TUSC3: variants seen among roughly 807,000 people sequenced by gnomAD.
The protein encoded by TUSC3 is tumor suppressor candidate 3, also known as dolichyl-diphosphooligosaccharide--protein glycosyltransferase subunit TUSC3.
A neutral mutation model predicts 44.8 loss-of-function variants in TUSC3; 45 were observed. The observed-to-expected ratio is 1.00, with a 90% CI of 0.79 to 1.29. TUSC3 has a LOEUF of 1.29. TUSC3 is among the 50% of genes most tolerant of loss of function. The pLI, the probability that TUSC3 is intolerant of heterozygous loss-of-function variation, is 0.00. For synonymous variants in TUSC3, 212 were observed against 152.9 expected, an observed-to-expected ratio of 1.39 and a Z score of -2.85; for missense variants, 519 against 437.9, an observed-to-expected ratio of 1.19 and a Z score of -1.65.
intron 1 of TUSC3, among the ~76,000 whole-genome samples, chr8:15,541,838 A>C (rs2129133042): frequency 6.6e-6 from 1 of 151,606 alleles, no homozygotes; most frequent in East Asian, 1.9e-4. Context: ...AAGAAAAAGT[A>C]GACAGTTTTT....
intron 1 of TUSC3, among the ~76,000 whole-genome samples, chr8:15,618,932 T>A (rs1585159352): frequency 6.6e-6 from 1 of 152,302 alleles, no homozygotes; most frequent in East Asian, 1.9e-4. Flanking sequence ...GTATGGAGTC[T>A]GTTGTTAAGT....
In TUSC3 at chr8:15,559,679, T is replaced by G. The variant is rs1419695278; in HGVS notation, c.138+19111T>G. ...CACTCAGGACTTGCTTTATGAATCT[T>G]GGTGCTCCTGTATTGGGTGCATATA... On this transcript the variant is annotated intron_variant, in intron 1 of 10. Coordinates refer to ENST00000503731, the MANE Select transcript of TUSC3 (RefSeq NM_006765.4). 1.3e-4 allele frequency among the ~76,000 whole-genome samples: 17 copies of G among 135,520 alleles called. 1 individual carries two copies. In the South Asian group the frequency reaches 2.4e-3, roughly 19 times the overall value. The allele number at this position is 135,520 out of a possible 152,430, so 88.9% of individuals were successfully genotyped here. A position where few individuals can be genotyped will look rare whatever the true frequency, so the allele number is the denominator to read the frequency against.
At chr8:15,798,845 C>G in the TUSC3 span, among the ~76,000 whole-genome samples, 5 of 152,130 alleles carry the variant, frequency 3.3e-5, no homozygotes, top group Non-Finnish European at 7.4e-5. Context: ...ATCACTTAAG[C>G]TCTTGCCTTA....
intron 1 of TUSC3, among the ~76,000 whole-genome samples, chr8:15,545,930 T>C (rs553189185): frequency 6.6e-6 from 1 of 151,878 alleles, no homozygotes; most frequent in Admixed American, 6.6e-5. Flanking sequence ...ATCTCTGATA[T>C]TTGGCATATC....
intron 1 of TUSC3, among the ~76,000 whole-genome samples, chr8:15,556,538 C>G (rs1302289399): frequency 1.3e-5 from 2 of 150,092 alleles, no homozygotes; most frequent in Admixed American, 1.3e-4. Flanking sequence ...ATGGCTGGGT[C>G]AAATGGTATT....
intron 6 of TUSC3, among the ~76,000 whole-genome samples, chr8:15,724,773 G>T (rs1810437062): frequency 6.6e-6 from 1 of 152,118 alleles, no homozygotes; most frequent in Non-Finnish European, 1.5e-5. Flanking sequence ...CAAGGAGGGT[G>T]AAAGAAAATA....
intron 9 of TUSC3, among the ~76,000 whole-genome samples, chr8:15,755,695 G>A (rs1048133572): frequency 6.6e-6 from 1 of 151,592 alleles, no homozygotes; most frequent in Non-Finnish European, 1.5e-5. Context: ...CTTTGGCACT[G>A]GAGCCTAAAG....
chr8:15,439,471 C>G (rs1799993377), intron 1 of TUSC3, among the ~76,000 whole-genome samples: 1 of 152,154 alleles, frequency 6.6e-6, no homozygotes, highest in Non-Finnish European at 1.5e-5. Context: ...ATGGGAGGAT[C>G]ACTTGAGCCT....
At chr8:15,775,697 CACATAT>C in the TUSC3 span, among the ~76,000 whole-genome samples, 1 of 147,388 alleles carries the variant, frequency 6.8e-6, no homozygotes, top group Non-Finnish European at 1.5e-5. Context: ...TGTACACACA[CACATAT>C]ATACATATAT....
At chr8:15,803,969 T>C in the TUSC3 span, among the ~76,000 whole-genome samples, 1 of 152,158 alleles carries the variant, frequency 6.6e-6, no homozygotes, top group East Asian at 1.9e-4. Context: ...TTTGGGTTGC[T>C]TCCAAGTCTT....
At chr8:15,503,774 G>A (rs1009704422) in intron 2 of TUSC3, among the ~76,000 whole-genome samples, 12 of 152,080 alleles carry the variant, frequency 7.9e-5, no homozygotes, top group Non-Finnish European at 1.2e-4. Context: ...ATCCTGAGGC[G>A]GGTGAATCAC....
At chr8:15,745,837 G>C (rs1162173662) in intron 8 of TUSC3, among the ~76,000 whole-genome samples, 2 of 151,510 alleles carry the variant, frequency 1.3e-5, no homozygotes, top group Non-Finnish European at 1.5e-5. Flanking sequence ...TGGAGACTTA[G>C]TAAAAAAAAT....
At chr8:15,559,631 G>A (rs1802383333) in intron 1 of TUSC3, among the ~76,000 whole-genome samples, 1 of 138,710 alleles carries the variant, frequency 7.2e-6, no homozygotes, top group Non-Finnish European at 1.6e-5. Context: ...TTAATGTGTG[G>A]GAGTCTAATT....
intron 7 of TUSC3, among the ~76,000 whole-genome samples, chr8:15,742,990 C>T (rs184368800): frequency 3.3e-4 from 51 of 152,260 alleles, no homozygotes; most frequent in South Asian, 2.1e-3. Context: ...AGCTCAGGGT[C>T]CTGCTAGATT....
At chr8:15,564,768 C>G (rs978333824) in intron 1 of TUSC3, among the ~76,000 whole-genome samples, 4 of 151,996 alleles carry the variant, frequency 2.6e-5, no homozygotes, top group African/African-American at 9.7e-5. Flanking sequence ...GCAGCTTGAC[C>G]CATCAAGATT....
chr8:15,720,427 A>C (rs947458374), intron 6 of TUSC3, among the ~76,000 whole-genome samples: 2 of 152,092 alleles, frequency 1.3e-5, no homozygotes, highest in East Asian at 3.9e-4. Flanking sequence ...AAGGCCTGCA[A>C]AGCAAAGCCA....
intron 1 of TUSC3, among the ~76,000 whole-genome samples, chr8:15,613,352 T>C (rs1478210846): frequency 1.3e-5 from 2 of 152,154 alleles, no homozygotes; most frequent in Non-Finnish European, 2.9e-5. Context: ...GATAATTCTT[T>C]TAGCAATGTG....
chr8:15,750,616 T>C (rs1444686139), intron 9 of TUSC3, among the ~76,000 whole-genome samples: 1 of 152,082 alleles, frequency 6.6e-6, no homozygotes, highest in African/African-American at 2.4e-5. Flanking sequence ...TAACGGAGGC[T>C]GGACATAGAA....
intron 1 of TUSC3, among the ~76,000 whole-genome samples, chr8:15,605,653 ATATACATAC>A (rs1804489552): frequency 6.6e-6 from 1 of 151,998 alleles, no homozygotes; most frequent in Non-Finnish European, 1.5e-5. Context: ...CATAAAATGT[ATATACATAC>A]TAGTCTATTT....
Sources: allele counts gnomAD v4.1 joint callset (sites outside exome capture counted in the v4.1 genomes callset), GRCh38; gene constraint gnomAD v4.1.1; transcripts MANE v1.5; gene names NCBI Gene and HGNC (gene_info 2026-07-23, HGNC 2026-07-21).